The following A3GALT2 variants were observed in gnomAD, a reference collection of about 807,000 sequenced individuals.
A3GALT2 encodes the protein alpha-1,3-galactosyltransferase 2.
A3GALT2 carries 14 observed loss-of-function variants against 16.6 expected under a neutral mutation model. The observed-to-expected ratio is 0.84, with a 90% CI of 0.56 to 1.32. The LOEUF is 1.32. A3GALT2 is among the 40% of genes most tolerant of loss of function. A3GALT2 has a pLI of 0.00. For synonymous variants in A3GALT2, 253 were observed against 218.0 expected (o/e 1.16, Z -1.42); for missense variants, 600 against 490.9 (o/e 1.22, Z -2.10).
At chr1:33,308,750 G>GTTTTGTT (rs1646216319) in intron 4 of A3GALT2, among the ~76,000 whole-genome samples, 2 of 46,130 alleles carry the variant, frequency 4.3e-5, no homozygotes, top group African/African-American at 2.4e-4. Flanking sequence ...TGTCAAAGTT[G>GTTTTGTT]TTTTTTTTTT....
chr1:33,309,873 A>G (rs994194669), intron 4 of A3GALT2, among the ~76,000 whole-genome samples: 1 of 151,678 alleles, frequency 6.6e-6, no homozygotes, highest in Admixed American at 6.6e-5. Context: ...ACGGCCAGGC[A>G]GAGACGCTCC....
intron 4 of A3GALT2, among the ~76,000 whole-genome samples, chr1:33,309,045 AG>A (rs958704293): frequency 2.3e-4 from 35 of 151,710 alleles, no homozygotes; most frequent in African/African-American, 8.0e-4. Context: ...TTTAACCCTG[AG>A]TGGACACAGC....
Position 33,320,369 on chromosome 1 carries a change from C to G in A3GALT2, c.23+707G>C, listed in dbSNP as rs912745302. On this transcript the variant is annotated intron_variant, in intron 1 of 4. Transcript: ENST00000442999. This position sits in a 1 kb window ranked among gnomAD's most constrained non-coding sequence, Gnocchi z 4.3. ...TCCTCCCAACCAGGGTAGGGCAAAC[C>G]GATGCTTATTCTGGGCTCTGGGCCT... Among the ~76,000 whole-genome samples the G allele has an allele frequency of 1.3e-5, 2 of 152,054 alleles. No individual in the cohort carries two copies. Among genetic ancestry groups the G allele is most frequent in the African/African-American group, 4.8e-5 (2 of 41,464 alleles).
intron 4 of A3GALT2, among the ~76,000 whole-genome samples, chr1:33,308,254 A>G (rs918561635): frequency 1.3e-5 from 2 of 151,026 alleles, no homozygotes; most frequent in African/African-American, 4.9e-5. Flanking sequence ...CCTCCATATA[A>G]GAAGTCCCAG....
chr1:33,312,721 CT>C, intron 2 of A3GALT2, 85 bp downstream of exon 2: 1 of 1,457,502 alleles, frequency 6.9e-7, no homozygotes, highest in Non-Finnish European at 9.5e-7. Context: ...AGCCACTGCC[CT>C]CCATCCCTCA....
intron 4 of A3GALT2, among the ~76,000 whole-genome samples, chr1:33,310,753 G>A (rs1000579329): frequency 6.6e-6 from 1 of 152,224 alleles, no homozygotes; most frequent in African/African-American, 2.4e-5. Flanking sequence ...GTTGGACTCA[G>A]AATCTTGGAA....
chr1:33,311,953 C>T (rs1299786249), intron 4 of A3GALT2, 99 bp downstream of exon 4: 2 of 1,509,012 alleles, frequency 1.3e-6, no homozygotes, highest in Non-Finnish European at 1.8e-6. Flanking sequence ...ACTTTGGGAT[C>T]CCATGGCACA....
chr1:33,311,908 G>T, intron 4 of A3GALT2, 144 bp downstream of exon 4: 1 of 1,222,602 alleles, frequency 8.2e-7, no homozygotes, highest in Non-Finnish European at 1.1e-6. Context: ...ATCTGGGGGT[G>T]TGGGGCAAGA....
In A3GALT2 at chr1:33,306,974, C is replaced by T. The variant is rs1361454878; in HGVS notation, c.815G>A (p.Cys272Tyr). 1 of 1,487,572 alleles carries T rather than the reference C, an allele frequency of 6.7e-7. No individual in the cohort carries two copies. The highest frequency in any genetic ancestry group is 8.9e-7 in the Non-Finnish European group (1 of 1,125,746). The allele number at this position is 1,487,572 out of a possible 1,614,324, so 92.1% of individuals were successfully genotyped here. ...GCGGTCCCAGTCCAGGCCCCCCGCA[C>T]AGTGCGCCGTCAGCCCGCGCAGCGC... Reference protein sequence around the residue: ...VAALRGLTAHCAGGLDWDRAR... With the variant: ...VAALRGLTAHYAGGLDWDRAR... The change falls in exon 5 of 5, where the codon TGT (cysteine) becomes TAT (tyrosine). Residue 272 changes from cysteine to tyrosine, a missense_variant. Coordinates refer to ENST00000442999, the MANE Select transcript of A3GALT2 (RefSeq NM_001080438.1).
chr1:33,317,805 A>G (rs925882370), intron 1 of A3GALT2, among the ~76,000 whole-genome samples: 4 of 152,238 alleles, frequency 2.6e-5, no homozygotes, highest in Non-Finnish European at 5.9e-5. Flanking sequence ...GAATATTTGC[A>G]TTGTATTTAC....
intron 1 of A3GALT2, among the ~76,000 whole-genome samples, chr1:33,319,043 C>T (rs1646273292): frequency 6.6e-6 from 1 of 152,276 alleles, no homozygotes. Context: ...GGATACCTGG[C>T]CAAGTGTATT....
intron 4 of A3GALT2, among the ~76,000 whole-genome samples, chr1:33,310,082 A>C (rs2148158132): frequency 1.3e-5 from 2 of 152,372 alleles, no homozygotes; most frequent in South Asian, 4.1e-4. Context: ...CGGGCAGATC[A>C]CTCGCAGTCA....
intron 4 of A3GALT2, among the ~76,000 whole-genome samples, chr1:33,309,094 T>C (rs1476577342): frequency 6.6e-6 from 1 of 151,932 alleles, no homozygotes. Flanking sequence ...GGTAAGGTTA[T>C]AGATTAACAG....
chr1:33,307,490 G>C, intron 4 of A3GALT2, 37 bp from the exon 5 acceptor site: 1 of 1,427,458 alleles, frequency 7.0e-7, no homozygotes, highest in Non-Finnish European at 9.1e-7. Context: ...TGAGAGTGAA[G>C]CGAGGCGGGC....
At chr1:33,316,170 G>A (rs1406266935) in intron 1 of A3GALT2, among the ~76,000 whole-genome samples, 2 of 152,132 alleles carry the variant, frequency 1.3e-5, no homozygotes, top group Non-Finnish European at 1.5e-5. Context: ...AGGCATGGAG[G>A]GGGAAGAGAG....
intron 1 of A3GALT2, chr1:33,313,388 G>A (rs1163551893): frequency 6.9e-6 from 1 of 145,930 alleles, no homozygotes; most frequent in Non-Finnish European, 1.5e-5. Context: ...GCCCACGCTT[G>A]TCTCCAACTC....
intron 1 of A3GALT2, chr1:33,313,217 T>A (rs1203600844): frequency 5.0e-6 from 1 of 198,604 alleles, no homozygotes; most frequent in Non-Finnish European, 9.6e-6. Flanking sequence ...AGCCTCACTC[T>A]GTCACCCAGG....
At chr1:33,321,012 T>C in intron 1 of A3GALT2, 64 bp downstream of exon 1, 3 of 1,601,042 alleles carry the variant, frequency 1.9e-6, no homozygotes, top group Non-Finnish European at 2.6e-6. Flanking sequence ...GCCATCAGAC[T>C]GGATCCCTCT....
intron 4 of A3GALT2, among the ~76,000 whole-genome samples, chr1:33,311,650 C>T (rs1368499683): frequency 6.6e-6 from 1 of 152,204 alleles, no homozygotes; most frequent in Non-Finnish European, 1.5e-5. Flanking sequence ...GAGCTGCTGA[C>T]CTCCAATGGG....
Sources: gnomAD v4.1 joint callset for allele counts (sites outside exome capture counted in the v4.1 genomes callset) on GRCh38, gnomAD v4.1.1 for gene constraint, Gnocchi (gnomAD v3.1) non-coding constraint, MANE v1.5 for transcripts, NCBI Gene and HGNC (gene_info 2026-07-23, HGNC 2026-07-21) for gene names.